Variants in PCDHA4 observed in about 807,000 individuals in gnomAD.
PCDHA4 encodes protocadherin alpha-4.
Under a neutral mutation model 61.4 loss-of-function variants are expected in PCDHA4, and 49 were observed. That is an observed-to-expected ratio of 0.80 (90% CI 0.63 to 1.01). The LOEUF (loss-of-function observed/expected upper bound fraction) is 1.01. Among genes scored for constraint, PCDHA4 ranks in the 50% least tolerant of loss-of-function variants. PCDHA4 has a pLI of 0.00. For synonymous variants in PCDHA4, 590 were observed against 550.3 expected (o/e 1.07, Z -1.01); for missense variants, 1,254 against 1,235.8 (o/e 1.01, Z -0.22).
intron 1 of PCDHA4, chr5:140,877,144 G>A (rs543806401): frequency 1.9e-6 from 3 of 1,613,772 alleles, no homozygotes; most frequent in South Asian, 2.2e-5. Context: ...CGTGCTGGAC[G>A]AGAACGACAA....
chr5:140,882,917 G>A, intron 1 of PCDHA4: 1 of 1,614,218 alleles, frequency 6.2e-7, no homozygotes, highest in Non-Finnish European at 8.5e-7. Context: ...AGCCAGTGAT[G>A]GAGGTAAACC....
intron 1 of PCDHA4, chr5:140,854,137 G>A (rs1297927276): frequency 9.5e-6 from 4 of 422,564 alleles, no homozygotes; most frequent in Non-Finnish European, 9.2e-6. Context: ...ATTTCAGCCC[G>A]GGTGACAGCA....
intron 1 of PCDHA4, chr5:140,884,079 A>G (rs2059982825): frequency 5.6e-6 from 9 of 1,613,504 alleles, no homozygotes; most frequent in South Asian, 3.3e-5. Context: ...TCGGGCTACA[A>G]TGCGTGGCTT....
chr5:140,838,003 A>T lies in PCDHA4; in HGVS notation c.2385+28431A>T, dbSNP rs2150281807. Among the ~76,000 whole-genome samples, 108 of 151,040 alleles carry T rather than the reference A, an allele frequency of 7.2e-4. 1 individual carries two copies. Among genetic ancestry groups the T allele is most frequent in the East Asian group, 2.3e-3 (12 of 5,140 alleles). On this transcript the variant is annotated intron_variant, in intron 1 of 3. Coordinates refer to ENST00000530339, the MANE Select transcript of PCDHA4 (RefSeq NM_018907.4). ...CTGCCTTTCATCTTTCCTTTTTTTTAAAAAAAGAAGTGATTACAGTAGAAA... is the reference window on the plus strand; with the variant it reads ...CTGCCTTTCATCTTTCCTTTTTTTTTAAAAAAGAAGTGATTACAGTAGAAA...
chr5:140,853,528 C>G, intron 1 of PCDHA4: 1 of 978,674 alleles, frequency 1.0e-6, no homozygotes, highest in South Asian at 4.8e-5. Context: ...CCTCCTATGT[C>G]TCTTTTCAAG....
In PCDHA4 at chr5:140,846,712, C is replaced by A. The variant is rs1014332332; in HGVS notation, c.2385+37140C>A. Among the ~76,000 whole-genome samples, 13 of 149,346 alleles carry A rather than the reference C, an allele frequency of 8.7e-5. 2 individuals are homozygous for A. Among genetic ancestry groups the A allele is most frequent in the South Asian group, 8.5e-4 (4 of 4,692 alleles). ...TAGCAAGTAGAGAAGATTGTAATAA[C>A]CAGTCTTCATTAAACATTAAATAGG... On this transcript the variant is annotated intron_variant, in intron 1 of 3. Transcript: ENST00000530339.
intron 1 of PCDHA4, among the ~76,000 whole-genome samples, chr5:140,965,094 A>G (rs1289535686): frequency 6.6e-6 from 1 of 152,236 alleles, no homozygotes; most frequent in Non-Finnish European, 1.5e-5. Context: ...TCCAGTCCAT[A>G]GCTAGAAAAT....
At chr5:141,009,150 G>T (rs1588228136) in intron 3 of PCDHA4, among the ~76,000 whole-genome samples, 1 of 152,300 alleles carries the variant, frequency 6.6e-6, no homozygotes, top group African/African-American at 2.4e-5. Context: ...CTGCCCTCTT[G>T]CTTGTCTGTA....
intron 1 of PCDHA4, among the ~76,000 whole-genome samples, chr5:140,827,091 A>T (rs2150146317): frequency 6.6e-6 from 1 of 152,332 alleles, no homozygotes; most frequent in East Asian, 1.9e-4. Flanking sequence ...ACTATTTTCT[A>T]GGAGTCAGCA....
intron 1 of PCDHA4, chr5:140,835,817 G>T (rs2150245565): frequency 1.9e-6 from 3 of 1,612,632 alleles, no homozygotes; most frequent in Admixed American, 1.7e-5. Flanking sequence ...TCACTGTGTC[G>T]GCGGGGGACG....
At position 141,009,849 on chromosome 5, in the gene PCDHA4, C is replaced by T. The variant is rs782348993; in HGVS notation, c.2756C>T (p.Thr919Ile). 54 of 1,613,364 alleles carry T rather than the reference C, an allele frequency of 3.3e-5. No individual in the cohort carries two copies. The South Asian group carries it at 5.8e-4, about 17-fold the overall frequency. ...DFITFGKKEETKKKKKKKKGN... is the reference protein window; with the variant it reads ...DFITFGKKEEIKKKKKKKKGN... ...ATAACCTTCGGCAAAAAGGAGGAGA[C>T]CAAGAAAAAGAAGAAAAAGAAGAAG... Residue 919 changes from threonine to isoleucine, a missense_variant, in exon 4 of 4, where the codon ACC becomes ATC. Transcript: ENST00000530339.
chr5:140,996,630 A>G (rs765477034), intron 3 of PCDHA4, among the ~76,000 whole-genome samples: 10 of 152,210 alleles, frequency 6.6e-5, no homozygotes, highest in Non-Finnish European at 1.5e-4. Flanking sequence ...TGGTTCCTGC[A>G]AATTATGTAG....
chr5:140,856,649 C>T, intron 1 of PCDHA4: 1 of 1,598,072 alleles, frequency 6.3e-7, no homozygotes, highest in South Asian at 1.1e-5. Context: ...GCTGCTGGAT[C>T]GTGAAGAAAA....
At chr5:140,859,043 C>G (rs552891148) in intron 1 of PCDHA4, 1 of 150,484 alleles carries the variant, frequency 6.6e-6, no homozygotes, top group Non-Finnish European at 1.5e-5. Context: ...ACTTTAAAAA[C>G]GTTTTCCATT....
At chr5:140,872,432 G>T (rs2053660736) in intron 1 of PCDHA4, among the ~76,000 whole-genome samples, 1 of 152,026 alleles carries the variant, frequency 6.6e-6, no homozygotes, top group Non-Finnish European at 1.5e-5. Context: ...TTCGAGGCCT[G>T]CCTGGACAAC....
intron 1 of PCDHA4, among the ~76,000 whole-genome samples, chr5:140,890,662 C>G (rs75284753): frequency 3.3e-5 from 5 of 152,136 alleles, no homozygotes; most frequent in South Asian, 2.1e-4. Flanking sequence ...CAAAAGTTAA[C>G]TGAAACCCTT....
At chr5:140,877,269 T>A in intron 1 of PCDHA4, 1 of 1,613,758 alleles carries the variant, frequency 6.2e-7, no homozygotes. Flanking sequence ...CGGTGGACGC[T>A]GACTCCGGCT....
chr5:140,941,202 C>CTTTCTTTCTTT (rs1554213921), intron 1 of PCDHA4, among the ~76,000 whole-genome samples: 2,980 of 122,772 alleles, frequency 0.024, 108 homozygotes, highest in East Asian at 0.062. Context: ...TTTCTTTCTT[C>CTTTCTTTCTTT]CTTTCTTTCT....
intron 1 of PCDHA4, among the ~76,000 whole-genome samples, chr5:140,969,746 T>C (rs1353204080): frequency 6.6e-6 from 1 of 152,224 alleles, no homozygotes; most frequent in African/African-American, 2.4e-5. Context: ...ATGAGTGATG[T>C]TTCTTAAAAA....
Sources: gnomAD v4.1 joint callset for allele counts (sites outside exome capture counted in the v4.1 genomes callset) on GRCh38, gnomAD v4.1.1 for gene constraint, MANE v1.5 for transcripts, NCBI Gene and HGNC (gene_info 2026-07-23, HGNC 2026-07-21) for gene names.